Variants in WDPCP observed in about 807,000 individuals in gnomAD.
WDPCP encodes WD repeat-containing and planar cell polarity effector protein fritz homolog.
A neutral mutation model predicts 93.1 loss-of-function variants in WDPCP; 71 were observed. That is an observed-to-expected ratio of 0.76 (90% confidence interval 0.63 to 0.93). The LOEUF (loss-of-function observed/expected upper bound fraction) is 0.93. Ranked by LOEUF, WDPCP falls within the 40% of genes least tolerant of loss-of-function variation. WDPCP has a pLI of 0.00. For missense variants in WDPCP, 844 were observed against 887.4 expected (o/e 0.95, Z 0.62); for synonymous variants, 315 against 315.0 (o/e 1.00, Z 0.00).
At chr2:63,678,075 AG>A (rs1710445032) in intron 2 of WDPCP, among the ~76,000 whole-genome samples, 1 of 152,194 alleles carries the variant, frequency 6.6e-6, no homozygotes, top group African/African-American at 2.4e-5. Context: ...GCTTGAAAAT[AG>A]GGGTTCATTT....
intron 2 of WDPCP, among the ~76,000 whole-genome samples, chr2:63,726,967 G>T (rs1367877344): frequency 6.6e-6 from 1 of 152,044 alleles, no homozygotes; most frequent in South Asian, 2.1e-4. Flanking sequence ...GCATTTTCTA[G>T]GTACAGAAGC....
At chr2:63,468,041 CTG>C (rs1377603942) in intron 6 of WDPCP, among the ~76,000 whole-genome samples, 1 of 152,176 alleles carries the variant, frequency 6.6e-6, no homozygotes, top group African/African-American at 2.4e-5. Flanking sequence ...CAGCCAACGA[CTG>C]AGCATCACTG....
chr2:63,768,409 T>A (rs182122053), intron 2 of WDPCP, among the ~76,000 whole-genome samples: 184 of 151,990 alleles, frequency 1.2e-3, no homozygotes, highest in African/African-American at 3.8e-3. Context: ...TTAGAGTCAA[T>A]CTGTCAACTT....
intron 12 of WDPCP, among the ~76,000 whole-genome samples, chr2:63,330,015 G>C (rs904713644): frequency 1.3e-5 from 2 of 151,982 alleles, no homozygotes; most frequent in South Asian, 4.1e-4. Context: ...GGTTGTTTCC[G>C]TATCTCAACT....
At chr2:63,392,627 AATCTACCC>A (rs1693362033) in intron 10 of WDPCP, among the ~76,000 whole-genome samples, 1 of 152,204 alleles carries the variant, frequency 6.6e-6, no homozygotes, top group South Asian at 2.1e-4. Flanking sequence ...AAATTTTTGC[AATCTACCC>A]ATCTGACAAA....
At chr2:63,802,644 C>A (rs1257121026) in intron 2 of WDPCP, among the ~76,000 whole-genome samples, 2 of 152,000 alleles carry the variant, frequency 1.3e-5, no homozygotes, top group Non-Finnish European at 2.9e-5. Context: ...GAATTCACAA[C>A]ATCTCACCTA....
intron 1 of WDPCP, among the ~76,000 whole-genome samples, chr2:63,579,613 CAAAAAG>C (rs980950785): frequency 4.0e-5 from 6 of 151,516 alleles, no homozygotes; most frequent in East Asian, 1.9e-4. Flanking sequence ...CCATCTCAAA[CAAAAAG>C]AAAAAGAAAA....
At chr2:63,244,119 A>C (rs1389686079) in intron 14 of WDPCP, among the ~76,000 whole-genome samples, 1 of 152,044 alleles carries the variant, frequency 6.6e-6, no homozygotes. Context: ...TAAACAACTT[A>C]CTCTTGAATT....
intron 12 of WDPCP, among the ~76,000 whole-genome samples, chr2:63,373,251 G>A (rs558913250): frequency 1.1e-4 from 12 of 107,560 alleles, no homozygotes; most frequent in African/African-American, 4.0e-4. Flanking sequence ...TCATTTTTTT[G>A]TTGTTTTTTT....
rs573405579 is a variant in WDPCP, at chr2:63,393,536, A to G, written c.1435+10512T>C. The stretch of plus-strand genomic sequence containing the variant: ...CTAGAACTTAAAGTATAATAAAAAT[A>G]AATAAAATAAAAAAGGGGAAAAAAA... On this transcript the variant is annotated intron_variant, in intron 10 of 17. Transcript: ENST00000272321. Among the ~76,000 whole-genome samples, 83 of 152,224 alleles carry G rather than the reference A, an allele frequency of 5.5e-4. 1 individual carries two copies. Among genetic ancestry groups the G allele is most frequent in the Non-Finnish European group, 1.1e-3 (76 of 68,018 alleles).
intron 6 of WDPCP, among the ~76,000 whole-genome samples, chr2:63,482,847 CA>C (rs1700350050): frequency 6.6e-6 from 1 of 151,388 alleles, no homozygotes; most frequent in Non-Finnish European, 1.5e-5. Context: ...AACAGAACAA[CA>C]AAAAAAGATA....
intron 12 of WDPCP, among the ~76,000 whole-genome samples, chr2:63,322,969 G>A (rs1485534720): frequency 6.6e-6 from 1 of 152,204 alleles, no homozygotes; most frequent in Admixed American, 6.5e-5. Context: ...AGGCTTTCTG[G>A]GAAAGGCCTT....
intron 2 of WDPCP, among the ~76,000 whole-genome samples, chr2:63,807,942 C>T (rs1670792795): frequency 6.6e-6 from 1 of 152,096 alleles, no homozygotes; most frequent in Admixed American, 6.5e-5. Flanking sequence ...TTATGGAAGC[C>T]ATCTGTCAGA....
intron 12 of WDPCP, among the ~76,000 whole-genome samples, chr2:63,341,998 T>TTTGACAA (rs1444183178): frequency 6.6e-6 from 1 of 152,184 alleles, no homozygotes; most frequent in Non-Finnish European, 1.5e-5. Context: ...CCCCAACTTT[T>TTTGACAA]TTGACAATTT....
intron 2 of WDPCP, among the ~76,000 whole-genome samples, chr2:63,705,655 TGA>T (rs1364906884): frequency 6.6e-6 from 1 of 152,152 alleles, no homozygotes; most frequent in Admixed American, 6.5e-5. Flanking sequence ...GCATGTGGTC[TGA>T]GAGACAGTTT....
At chr2:63,453,912 G>C (rs576570957) in intron 6 of WDPCP, among the ~76,000 whole-genome samples, 1 of 145,630 alleles carries the variant, frequency 6.9e-6, no homozygotes, top group Non-Finnish European at 1.5e-5. Context: ...CTTGGACACA[G>C]GGTAAGGAAC....
chr2:63,442,945 G>A (rs1697597287), intron 6 of WDPCP: 1 of 152,146 alleles, frequency 6.6e-6, no homozygotes, highest in Admixed American at 6.6e-5. Flanking sequence ...ATTCAGAGGG[G>A]TGAGTGTCAT....
chr2:63,555,563 T>C (rs1318613916), intron 1 of WDPCP, among the ~76,000 whole-genome samples: 1 of 151,984 alleles, frequency 6.6e-6, no homozygotes, highest in African/African-American at 2.4e-5. Context: ...GCAACAGGGG[T>C]TGCAGGACAC....
intron 2 of WDPCP, among the ~76,000 whole-genome samples, chr2:63,770,542 A>G (rs974258382): frequency 6.6e-6 from 1 of 151,964 alleles, no homozygotes; most frequent in African/African-American, 2.4e-5. Context: ...AACAAGCTAT[A>G]ATGAAACAAA....
Sources: gnomAD v4.1 joint callset for allele counts (sites outside exome capture counted in the v4.1 genomes callset) on GRCh38, gnomAD v4.1.1 for gene constraint, MANE v1.5 for transcripts, NCBI Gene and HGNC (gene_info 2026-07-23, HGNC 2026-07-21) for gene names.